GHR: variants seen among roughly 807,000 people sequenced by gnomAD.
GHR encodes the protein growth hormone receptor, also known as GH receptor.
GHR carries 35 observed loss-of-function variants against 67.1 expected under a neutral mutation model. The ratio of observed to expected loss-of-function variants is 0.52; its 90% CI spans 0.40 to 0.69. GHR has a LOEUF of 0.69. Ranked by LOEUF, GHR falls within the 30% of genes least tolerant of loss-of-function variation. The pLI, the probability that GHR is intolerant of heterozygous loss-of-function variation, is 0.00. For synonymous variants in GHR, 272 were observed against 269.1 expected, an observed-to-expected ratio of 1.01 and a Z score of -0.10; for missense variants, 792 against 764.6, an observed-to-expected ratio of 1.04 and a Z score of -0.42.
chr5:42,675,158 C>A (rs930062044), intron 3 of GHR, among the ~76,000 whole-genome samples: 2 of 152,192 alleles, frequency 1.3e-5, no homozygotes, highest in Non-Finnish European at 2.9e-5. Flanking sequence ...ACTGCTTATG[C>A]AGAATACACT....
chr5:42,633,915 T>G (rs1307077303), intron 3 of GHR, among the ~76,000 whole-genome samples: 1 of 152,192 alleles, frequency 6.6e-6, no homozygotes, highest in African/African-American at 2.4e-5. Flanking sequence ...GAGCCATATT[T>G]CAAATACAAC....
intron 1 of GHR, among the ~76,000 whole-genome samples, chr5:42,448,357 A>AT (rs1407632034): frequency 2.0e-5 from 3 of 151,804 alleles, no homozygotes; most frequent in Non-Finnish European, 4.4e-5. Flanking sequence ...GATGTCAAGC[A>AT]TTTTTTTCCA....
chr5:42,468,848 C>T, intron 1 of GHR: 1 of 943,862 alleles, frequency 1.1e-6, no homozygotes, highest in Non-Finnish European at 1.6e-6. Flanking sequence ...CTGAAGCCTT[C>T]CTGTAACTGC....
intron 3 of GHR, among the ~76,000 whole-genome samples, chr5:42,667,999 T>C (rs1424937963): frequency 1.3e-5 from 2 of 152,156 alleles, no homozygotes; most frequent in Admixed American, 1.3e-4. Context: ...TCTGCTTATG[T>C]ACGTGAGTTA....
chr5:42,482,789 C>G (rs1745709137), intron 1 of GHR, among the ~76,000 whole-genome samples: 1 of 152,194 alleles, frequency 6.6e-6, no homozygotes, highest in Non-Finnish European at 1.5e-5. Flanking sequence ...TCACCCCTTT[C>G]TTTGACTAGG....
At chr5:42,582,795 C>T (rs1051136294) in intron 2 of GHR, among the ~76,000 whole-genome samples, 14 of 152,232 alleles carry the variant, frequency 9.2e-5, no homozygotes, top group Admixed American at 1.3e-4. Context: ...CAGTTGCCCA[C>T]GGTGGAAGCC....
chr5:42,544,970 G>T (rs1366658295), intron 1 of GHR, among the ~76,000 whole-genome samples: 1 of 152,102 alleles, frequency 6.6e-6, no homozygotes, highest in Non-Finnish European at 1.5e-5. Flanking sequence ...AGCCAGCAAG[G>T]AAGATAATGT....
At chr5:42,524,706 GCCC>G (rs1225239238) in intron 1 of GHR, among the ~76,000 whole-genome samples, 1 of 152,152 alleles carries the variant, frequency 6.6e-6, no homozygotes, top group Non-Finnish European at 1.5e-5. Context: ...AGACCCAGAG[GCCC>G]AGGAGGAAAA....
At chr5:42,717,906 T>A (rs1350553983) in intron 8 of GHR, 146 bp from the exon 9 acceptor site, 10 of 584,556 alleles carry the variant, frequency 1.7e-5, no homozygotes, top group Non-Finnish European at 2.2e-5. Flanking sequence ...TAATATTTTC[T>A]TCTGTTTCTC....
At chr5:42,471,705 C>G (rs1745019716) in intron 1 of GHR, among the ~76,000 whole-genome samples, 1 of 152,158 alleles carries the variant, frequency 6.6e-6, no homozygotes, top group Non-Finnish European at 1.5e-5. Context: ...TGGTCTGCAA[C>G]AAGTACTATA....
At chr5:42,463,778 G>C (rs1231968777) in intron 1 of GHR, among the ~76,000 whole-genome samples, 2 of 151,678 alleles carry the variant, frequency 1.3e-5, no homozygotes, top group East Asian at 1.9e-4. Context: ...TGGATCACGA[G>C]GTCAGGAGAT....
intron 1 of GHR, among the ~76,000 whole-genome samples, chr5:42,457,927 G>A (rs1744328868): frequency 6.6e-6 from 1 of 152,090 alleles, no homozygotes; most frequent in South Asian, 2.1e-4. Flanking sequence ...TTTCTTTGTT[G>A]GGAAAATGGA....
intron 4 of GHR, among the ~76,000 whole-genome samples, chr5:42,689,799 G>T (rs1318624764): frequency 1.3e-5 from 2 of 152,144 alleles, no homozygotes; most frequent in Admixed American, 6.5e-5. Flanking sequence ...AGCTGTAGGT[G>T]TTTTTGAAAA....
chr5:42,565,972 T>G (rs768976063), intron 2 of GHR, 28 bp downstream of exon 2: 1 of 1,613,432 alleles, frequency 6.2e-7, no homozygotes, highest in Non-Finnish European at 8.5e-7. Context: ...ATTTCCACCC[T>G]CAGTGTTTTG....
intron 1 of GHR, chr5:42,467,430 G>A: frequency 1.1e-6 from 1 of 948,548 alleles, no homozygotes; most frequent in Non-Finnish European, 1.7e-6. Flanking sequence ...TATGGTTTGA[G>A]CTCCCAGTAA....
chr5:42,438,398 A>G (rs763248264), intron 1 of GHR, among the ~76,000 whole-genome samples: 2 of 152,156 alleles, frequency 1.3e-5, no homozygotes, highest in Non-Finnish European at 2.9e-5. Context: ...AAGAAGTGGA[A>G]TTTAATTCCC....
chr5:42,718,761 A>C lies in GHR; in HGVS notation c.1254A>C (p.Lys418Asn). The C allele has an allele frequency of 1.2e-6, 2 of 1,614,150 alleles. No homozygotes were observed. The highest frequency in any genetic ancestry group is 1.7e-6 in the Non-Finnish European group (2 of 1,179,994). Reference sequence around the variant, plus strand: ...AGGTTGCTCAGCCACAGAGGTTAAAAGGGGAAGCAGATCTCTTATGCCTTG... The same window carrying C: ...AGGTTGCTCAGCCACAGAGGTTAAACGGGGAAGCAGATCTCTTATGCCTTG... ...TSEVAQPQRL[K>N]GEADLLCLDQ... The change falls in exon 10 of 10, where the codon AAA becomes AAC. Residue 418 changes from lysine to asparagine, a missense_variant. Coordinates refer to ENST00000230882, the MANE Select transcript of GHR (RefSeq NM_000163.5).
intron 2 of GHR, among the ~76,000 whole-genome samples, chr5:42,592,194 G>A (rs187125540): frequency 1.5e-4 from 23 of 152,242 alleles, no homozygotes; most frequent in African/African-American, 4.8e-4. Flanking sequence ...TCTTTGTGCC[G>A]AGCAGGTGCT....
At chr5:42,429,503 A>T (rs538931947) in intron 1 of GHR, among the ~76,000 whole-genome samples, 2 of 152,246 alleles carry the variant, frequency 1.3e-5, no homozygotes, top group African/African-American at 4.8e-5. Flanking sequence ...GTTTAATATT[A>T]ATGAAATTCT....
Sources: allele counts gnomAD v4.1 joint callset (sites outside exome capture counted in the v4.1 genomes callset), GRCh38; gene constraint gnomAD v4.1.1; transcripts MANE v1.5; gene names NCBI Gene and HGNC (gene_info 2026-07-23, HGNC 2026-07-21).